PCBP3: variants seen among roughly 807,000 people sequenced by gnomAD.
PCBP3 encodes poly(rC) binding protein 3, also known as poly(rC)-binding protein 3.
PCBP3 carries 25 observed loss-of-function variants against 52.7 expected under a neutral mutation model. The observed-to-expected ratio is 0.47, with a 90% CI of 0.35 to 0.66. PCBP3 has a LOEUF of 0.66. Among genes scored for constraint, PCBP3 ranks in the 30% least tolerant of loss-of-function variants. The pLI is 0.01. For missense variants in PCBP3, 391 were observed against 490.3 expected (o/e 0.80, Z 1.91); for synonymous variants, 162 against 183.0 (o/e 0.89, Z 0.93).
intron 11 of PCBP3, among the ~76,000 whole-genome samples, chr21:45,913,699 T>C (rs566271793): frequency 8.3e-4 from 126 of 152,256 alleles, no homozygotes; most frequent in African/African-American, 2.9e-3. Context: ...GGCCGGTGTG[T>C]GGCAAACTGC....
In PCBP3 at chr21:45,821,021, C is replaced by T. The variant is rs542343321; in HGVS notation, c.-125-28940C>T. Among the ~76,000 whole-genome samples the T allele has an allele frequency of 6.6e-6, 1 of 152,276 alleles. No homozygotes were observed. The highest frequency in any genetic ancestry group is 6.5e-5 in the Admixed American group (1 of 15,304). ...GGAGACCCGGCCCCTCGTCCTTGTC[C>T]ATCCATGTGGCTTCTGCAAAGCACC... On this transcript the variant is annotated intron_variant, in intron 4 of 17. Transcript: ENST00000681687. The surrounding 1 kb of genome is among the most constrained non-coding windows in gnomAD (Gnocchi z 4.4).
chr21:45,714,645 G>A (rs1603306151), intron 2 of PCBP3, among the ~76,000 whole-genome samples: 1 of 152,300 alleles, frequency 6.6e-6, no homozygotes, highest in Middle Eastern at 3.4e-3. Context: ...AAGCCAGAAA[G>A]GATATAAGTA....
At chr21:45,920,165 C>G (rs563674965) in intron 13 of PCBP3, among the ~76,000 whole-genome samples, 5 of 152,290 alleles carry the variant, frequency 3.3e-5, no homozygotes, top group Admixed American at 6.5e-5. Flanking sequence ...CCCAGACAGT[C>G]GCCCTGAAGT....
At chr21:45,868,235 A>AG (rs2148571986) in intron 5 of PCBP3, among the ~76,000 whole-genome samples, 1 of 152,318 alleles carries the variant, frequency 6.6e-6, no homozygotes, top group South Asian at 2.1e-4. Context: ...GCCTAGGGAC[A>AG]GGGGCACCTC....
intron 1 of PCBP3, among the ~76,000 whole-genome samples, chr21:45,652,805 T>A (rs949347237): frequency 1.3e-5 from 2 of 152,166 alleles, no homozygotes; most frequent in South Asian, 4.1e-4. Context: ...TGGCTTGTAA[T>A]TTTCCTTTCT....
intron 2 of PCBP3, chr21:45,728,835 T>G (rs1228081113): frequency 6.6e-6 from 1 of 152,220 alleles, no homozygotes; most frequent in Non-Finnish European, 1.5e-5. Flanking sequence ...AGTTAGCAGA[T>G]TTACTGACAT....
intron 2 of PCBP3, among the ~76,000 whole-genome samples, chr21:45,719,374 G>A (rs2084458460): frequency 6.6e-6 from 1 of 152,140 alleles, no homozygotes; most frequent in South Asian, 2.1e-4. Flanking sequence ...GTGAGAACAA[G>A]CCATACCCGG....
At chr21:45,738,707 C>T (rs1345335877) in intron 3 of PCBP3, among the ~76,000 whole-genome samples, 1 of 152,114 alleles carries the variant, frequency 6.6e-6, no homozygotes, top group Non-Finnish European at 1.5e-5. Context: ...CCATGGCCCC[C>T]TGGGTAGCCC....
chr21:45,754,903 A>G (rs1025291131), intron 3 of PCBP3, among the ~76,000 whole-genome samples: 2 of 152,154 alleles, frequency 1.3e-5, no homozygotes, highest in African/African-American at 2.4e-5. Context: ...CAATTTTACT[A>G]TGATGTATTT....
intron 2 of PCBP3, among the ~76,000 whole-genome samples, chr21:45,713,268 G>C (rs566231814): frequency 6.6e-6 from 1 of 152,106 alleles, no homozygotes; most frequent in Non-Finnish European, 1.5e-5. Context: ...CCTTGGCCTC[G>C]CATTCCAGAT....
At chr21:45,926,221 G>C (rs2075384690) in intron 13 of PCBP3, among the ~76,000 whole-genome samples, 1 of 152,188 alleles carries the variant, frequency 6.6e-6, no homozygotes, top group African/African-American at 2.4e-5. Context: ...CAGCTGACCT[G>C]AGGTTGCAGT....
At chr21:45,669,801 G>GTTA (rs1385598083) in intron 2 of PCBP3, among the ~76,000 whole-genome samples, 1 of 69,050 alleles carries the variant, frequency 1.4e-5, no homozygotes, top group East Asian at 3.8e-4. Context: ...GTGTGTGTGT[G>GTTA]TGTGTATATA....
chr21:45,698,985 T>A (rs2082950319), intron 2 of PCBP3, among the ~76,000 whole-genome samples: 1 of 152,194 alleles, frequency 6.6e-6, no homozygotes, highest in South Asian at 2.1e-4. Flanking sequence ...TTTTCTCCAA[T>A]AGCAAGCTAT....
chr21:45,769,392 C>T (rs944163238), intron 4 of PCBP3, among the ~76,000 whole-genome samples: 9 of 152,246 alleles, frequency 5.9e-5, no homozygotes, highest in South Asian at 2.1e-4. Flanking sequence ...TTAGAAGACG[C>T]GGGTGCTCAC....
chr21:45,869,624 C>T (rs761663887), intron 5 of PCBP3, among the ~76,000 whole-genome samples: 2 of 152,194 alleles, frequency 1.3e-5, no homozygotes, highest in Non-Finnish European at 2.9e-5. Context: ...CCTCAGCCTG[C>T]AGGACGCTGT....
chr21:45,820,235 T>C (rs2839004), intron 4 of PCBP3, among the ~76,000 whole-genome samples: 23,660 of 152,264 alleles, frequency 0.16, 1,999 homozygotes, highest in Middle Eastern at 0.31. Flanking sequence ...AGTGTATCCG[T>C]CCTGGGAACA....
rs1300722333 is a variant in PCBP3, at chr21:45,904,914, C to G, written c.339+3801C>G. Among the ~76,000 whole-genome samples the G allele has an allele frequency of 6.6e-6, 1 of 152,136 alleles. No homozygotes were observed. The highest frequency in any genetic ancestry group is 1.5e-5 in the Non-Finnish European group (1 of 68,042). The stretch of plus-strand genomic sequence containing the variant: ...TGTTGACTGGAGATATTCATCCAGT[C>G]TTTGTAAAGCTTTCCCACCAGTGTT... On this transcript the variant is annotated intron_variant, in intron 9 of 17. Transcript: ENST00000681687. The surrounding 1 kb of genome is among the most constrained non-coding windows in gnomAD (Gnocchi z 4.8).
chr21:45,653,350 G>C (rs1011899678), intron 1 of PCBP3, among the ~76,000 whole-genome samples: 1 of 152,016 alleles, frequency 6.6e-6, no homozygotes, highest in South Asian at 2.1e-4. Flanking sequence ...TTATGGATTT[G>C]TCTTATTTTT....
intron 2 of PCBP3, among the ~76,000 whole-genome samples, chr21:45,684,352 T>A (rs2082031072): frequency 6.6e-6 from 1 of 152,210 alleles, no homozygotes; most frequent in South Asian, 2.1e-4. Flanking sequence ...GACCTGAGAT[T>A]AACTCATAAG....
Sources: gnomAD v4.1 joint callset for allele counts (sites outside exome capture counted in the v4.1 genomes callset) on GRCh38, gnomAD v4.1.1 for gene constraint, Gnocchi (gnomAD v3.1) non-coding constraint, MANE v1.5 for transcripts, NCBI Gene and HGNC (gene_info 2026-07-23, HGNC 2026-07-21) for gene names.